ZNF280D: variants seen among roughly 807,000 people sequenced by gnomAD.
The protein encoded by ZNF280D is zinc finger protein 280D, also known as suppressor of hairy wing homolog 4.
In ZNF280D, 39 loss-of-function variants were observed where a neutral mutation model predicts 94.7. The ratio of observed to expected loss-of-function variants is 0.41; its 90% CI spans 0.32 to 0.54. The LOEUF (loss-of-function observed/expected upper bound fraction) is 0.54. Among genes scored for constraint, ZNF280D ranks in the 20% least tolerant of loss-of-function variants. ZNF280D has a pLI of 0.22. For synonymous variants in ZNF280D, 398 were observed against 377.6 expected (o/e 1.05, Z -0.63); for missense variants, 1,090 against 1,149.3 (o/e 0.95, Z 0.75).
intron 1 of ZNF280D, among the ~76,000 whole-genome samples, chr15:56,715,039 G>T (rs531560161): frequency 8.6e-5 from 13 of 152,042 alleles, no homozygotes; most frequent in Non-Finnish European, 1.8e-4. Flanking sequence ...AGAGGTTCTT[G>T]ATAACGTGTT....
chr15:56,667,386 A>C (rs2054367275), intron 14 of ZNF280D, among the ~76,000 whole-genome samples: 1 of 152,158 alleles, frequency 6.6e-6, no homozygotes, highest in South Asian at 2.1e-4. Context: ...ATTACCCTTT[A>C]ACAACTATAA....
intron 6 of ZNF280D, chr15:56,698,352 T>C (rs1216819620): frequency 6.6e-6 from 1 of 152,238 alleles, no homozygotes; most frequent in African/African-American, 2.4e-5. Flanking sequence ...AAAACTCTTA[T>C]TCAAAAGCTG....
chr15:56,689,905 TAA>T (rs2056323608), intron 7 of ZNF280D, among the ~76,000 whole-genome samples: 1 of 152,206 alleles, frequency 6.6e-6, no homozygotes, highest in African/African-American at 2.4e-5. Context: ...GAGATACTCT[TAA>T]GATGCTTTTT....
chr15:56,729,414 G>A (rs780090192), intron 1 of ZNF280D, among the ~76,000 whole-genome samples: 6 of 152,082 alleles, frequency 3.9e-5, no homozygotes, highest in South Asian at 2.1e-4. Context: ...TCTGGATTTC[G>A]AATATAATTC....
intron 11 of ZNF280D, among the ~76,000 whole-genome samples, chr15:56,678,445 G>A (rs2055393305): frequency 6.6e-6 from 1 of 152,068 alleles, no homozygotes; most frequent in South Asian, 2.1e-4. Flanking sequence ...TTATGTCAAG[G>A]CAATTACCAT....
chr15:56,665,145 C>T (rs574740203), intron 16 of ZNF280D, among the ~76,000 whole-genome samples: 1 of 151,886 alleles, frequency 6.6e-6, no homozygotes, highest in African/African-American at 2.4e-5. Context: ...ATGGGAAAAC[C>T]GAGAGAAGTG....
chr15:56,669,621 C>G (rs1420912248), intron 13 of ZNF280D, among the ~76,000 whole-genome samples: 1 of 149,710 alleles, frequency 6.7e-6, no homozygotes, highest in African/African-American at 2.5e-5. Flanking sequence ...TGGCTAGTAG[C>G]TACTACATCA....
Position 56,652,223 on chromosome 15 carries a change from C to T in ZNF280D, c.2213+1975G>A, listed in dbSNP as rs868806538. ...TCATATAATAGGTGGTCATCTAAAC[C>T]GGCTTTAACTGGTCATCTAAACCGG... On this transcript the variant is annotated intron_variant, in intron 19 of 21. Coordinates refer to ENST00000267807, the MANE Select transcript of ZNF280D (RefSeq NM_017661.4). Among the ~76,000 whole-genome samples, 10 of 152,136 alleles carry T rather than the reference C, an allele frequency of 6.6e-5. No individual in the cohort carries two copies. In the South Asian group the frequency reaches 2.1e-3, roughly 32 times the overall value.
Position 56,666,502 on chromosome 15 carries a change from A to G in ZNF280D, c.1887T>C (p.Cys629=). ...TTGCAAAATCTTTTATTTCGGAACA[A>G]CACTCAATGCATTTGTGAATGCCCC... is the stretch of plus-strand genomic sequence containing the variant. ...YRRGIHKCIE[C]CSEIKDFANH... The change falls in exon 16 of 22, where the codon TGT becomes TGC. Residue 629 remains cysteine (C), a synonymous_variant. Transcript: ENST00000267807. The G allele has an allele frequency of 6.2e-7, 1 of 1,600,812 alleles. No individual in the cohort carries two copies. The highest frequency in any genetic ancestry group is 1.1e-5 in the South Asian group (1 of 87,840).
chr15:56,716,514 A>AC, intron 1 of ZNF280D, among the ~76,000 whole-genome samples: 1 of 152,002 alleles, frequency 6.6e-6, no homozygotes, highest in Non-Finnish European at 1.5e-5. Flanking sequence ...CTGAAAAAAA[A>AC]AAAAAAAAGC....
At chr15:56,676,618 A>G (rs2055251499) in intron 13 of ZNF280D, 52 bp downstream of exon 13, 1 of 1,474,978 alleles carries the variant, frequency 6.8e-7, no homozygotes, top group Non-Finnish European at 9.1e-7. Context: ...AGTCATAATC[A>G]GTTTTTTCAC....
intron 6 of ZNF280D, chr15:56,700,695 T>G: frequency 7.0e-7 from 1 of 1,435,434 alleles, no homozygotes; most frequent in Non-Finnish European, 9.1e-7. Flanking sequence ...ATAGTTTTCA[T>G]TACTGTACCT....
intron 1 of ZNF280D, among the ~76,000 whole-genome samples, chr15:56,722,661 T>A (rs900609787): frequency 2.0e-5 from 3 of 152,180 alleles, no homozygotes; most frequent in Non-Finnish European, 2.9e-5. Flanking sequence ...ATTGTGGAAG[T>A]CAGTGTGGCG....
chr15:56,645,542 C>T (rs370465918), intron 19 of ZNF280D, among the ~76,000 whole-genome samples: 4 of 152,036 alleles, frequency 2.6e-5, no homozygotes, highest in Admixed American at 6.6e-5. Context: ...GCAATCCATA[C>T]AAAATTTTTG....
chr15:56,723,778 T>C (rs2058494520), intron 1 of ZNF280D, among the ~76,000 whole-genome samples: 1 of 152,230 alleles, frequency 6.6e-6, no homozygotes, highest in Non-Finnish European at 1.5e-5. Context: ...AGATTTACTT[T>C]ATAAGATTCA....
At chr15:56,634,044 C>T (rs2052225858) in intron 21 of ZNF280D, 1 of 151,970 alleles carries the variant, frequency 6.6e-6, no homozygotes, top group South Asian at 2.1e-4. Context: ...ATTTTTAAGG[C>T]TAGTCAAGTG....
chr15:56,651,967 A>T (rs2053232230), intron 19 of ZNF280D, among the ~76,000 whole-genome samples: 1 of 151,188 alleles, frequency 6.6e-6, no homozygotes, highest in South Asian at 2.2e-4. Flanking sequence ...AAATGGAAAA[A>T]GTTATTGTTT....
intron 1 of ZNF280D, among the ~76,000 whole-genome samples, chr15:56,724,237 T>G (rs936363958): frequency 1.2e-4 from 18 of 152,378 alleles, no homozygotes; most frequent in African/African-American, 4.1e-4. Context: ...ATCCAGATTT[T>G]TGCTTTCATC....
At chr15:56,663,546 C>T (rs1407005542) in intron 16 of ZNF280D, among the ~76,000 whole-genome samples, 2 of 152,022 alleles carry the variant, frequency 1.3e-5, no homozygotes, top group Admixed American at 1.3e-4. Flanking sequence ...CAGTGGGATG[C>T]ACCTAATGCA....
Sources: gnomAD v4.1 joint callset for allele counts (sites outside exome capture counted in the v4.1 genomes callset) on GRCh38, gnomAD v4.1.1 for gene constraint, MANE v1.5 for transcripts, NCBI Gene and HGNC (gene_info 2026-07-23, HGNC 2026-07-21) for gene names.